Variants in MSH3 observed in about 807,000 individuals in gnomAD.
MSH3 encodes DNA mismatch repair protein Msh3.
A neutral mutation model predicts 123.3 loss-of-function variants in MSH3; 106 were observed. That is an observed-to-expected ratio of 0.86 (90% CI 0.73 to 1.01). MSH3 has a LOEUF of 1.01. Ranked by LOEUF, MSH3 falls within the 50% of genes least tolerant of loss-of-function variation. The probability of loss-of-function intolerance (pLI) is 0.00; values close to 1 mark genes in which losing one functional copy is unlikely to be tolerated. For synonymous variants in MSH3, 515 were observed against 481.4 expected (o/e 1.07, Z -0.91); for missense variants, 1,459 against 1,347.6 (o/e 1.08, Z -1.29).
intron 10 of MSH3, among the ~76,000 whole-genome samples, chr5:80,730,900 T>TC (rs1743398885): frequency 6.8e-6 from 1 of 146,254 alleles, no homozygotes; most frequent in Non-Finnish European, 1.5e-5. Context: ...ATATATTTTT[T>TC]TTTTTTTCTT....
intron 8 of MSH3, among the ~76,000 whole-genome samples, chr5:80,700,047 G>T (rs566325381): frequency 1.3e-5 from 2 of 151,962 alleles, no homozygotes; most frequent in Non-Finnish European, 2.9e-5. Context: ...TTTATTAGAC[G>T]GTAGTTTCAC....
chr5:80,704,523 TTTG>T (rs925412439), intron 8 of MSH3, among the ~76,000 whole-genome samples: 70 of 152,298 alleles, frequency 4.6e-4, no homozygotes, highest in African/African-American at 1.6e-3. Flanking sequence ...TTTTCCTGCT[TTTG>T]TTTTCAGAGG....
At chr5:80,771,830 C>T (rs1056746029) in intron 15 of MSH3, among the ~76,000 whole-genome samples, 4 of 152,152 alleles carry the variant, frequency 2.6e-5, no homozygotes, top group Non-Finnish European at 5.9e-5. Flanking sequence ...CTTTTATATA[C>T]TCATTAGAAT....
At chr5:80,824,902 G>A (rs954565621) in intron 20 of MSH3, among the ~76,000 whole-genome samples, 4 of 152,066 alleles carry the variant, frequency 2.6e-5, no homozygotes, top group African/African-American at 4.8e-5. Context: ...TGAGAGCTCC[G>A]TCTGGGACAG....
intron 8 of MSH3, among the ~76,000 whole-genome samples, chr5:80,687,418 T>C (rs1263730508): frequency 6.6e-6 from 1 of 152,206 alleles, no homozygotes; most frequent in Non-Finnish European, 1.5e-5. Flanking sequence ...GAAACTGACT[T>C]TTCAGGTGAA....
Position 80,854,134 on chromosome 5 carries a change from G to A in MSH3, c.2818G>A (p.Gly940Ser), listed in dbSNP as rs763614470. 1.9e-6 allele frequency: 3 copies of A among 1,612,804 alleles called. No homozygotes were observed. Among genetic ancestry groups the A allele is most frequent in the East Asian group, 2.2e-5 (1 of 44,816 alleles). Residue 940 changes from glycine (G) to serine (S), a missense_variant, in exon 21 of 24, where the codon GGT becomes AGT. Gly to Ser is a moderately conservative substitution (Grantham distance 56). Coordinates refer to ENST00000265081, the MANE Select transcript of MSH3 (RefSeq NM_002439.5). ...GIVDGIFTRM[G>S]AADNIYKGQS... ...GTGTTTTCATCTTGCTTGTAGGATG[G>A]GTGCTGCAGACAATATATATAAAGG...
chr5:80,747,748 T>TA (rs1355493008), intron 12 of MSH3, among the ~76,000 whole-genome samples: 1 of 152,116 alleles, frequency 6.6e-6, no homozygotes, highest in Non-Finnish European at 1.5e-5. Flanking sequence ...CACAAATACT[T>TA]ACCATTGTGT....
At chr5:80,805,609 T>G in intron 19 of MSH3, among the ~76,000 whole-genome samples, 1 of 141,312 alleles carries the variant, frequency 7.1e-6, no homozygotes, top group East Asian at 2.4e-4. Flanking sequence ...TTTTTTTTTT[T>G]TTTGAGATGG....
At position 80,741,459 on chromosome 5, in the gene MSH3, T is replaced by C. The variant is rs1743611889; in HGVS notation, c.1569-5T>C. The C allele has an allele frequency of 3.9e-6, 6 of 1,536,414 alleles. No homozygotes were observed. Among genetic ancestry groups the C allele is most frequent in the Non-Finnish European group, 4.5e-6 (5 of 1,109,054 alleles). ...CTAGGCTAATTATATTTGATTCTTT[T>C]ACAGGAATTTTAAACAGCTATCAAG... On this transcript the variant is annotated splice_region_variant and splice_polypyrimidine_tract_variant and intron_variant, in intron 10 of 23. Transcript: ENST00000265081.
At chr5:80,741,399 C>T (rs1000676675) in intron 10 of MSH3, 65 bp from the exon 11 acceptor site, 6 of 1,056,958 alleles carry the variant, frequency 5.7e-6, no homozygotes, top group Non-Finnish European at 8.9e-6. Flanking sequence ...TTTCTAGTTC[C>T]TGAATTAGTT....
At chr5:80,717,271 A>G (rs1750982092) in intron 8 of MSH3, among the ~76,000 whole-genome samples, 1 of 152,064 alleles carries the variant, frequency 6.6e-6, no homozygotes, top group Admixed American at 6.6e-5. Flanking sequence ...TTTATTATAA[A>G]AAATTCTTTT....
chr5:80,840,230 CTAAATA>C (rs1490317961), intron 20 of MSH3, among the ~76,000 whole-genome samples: 1 of 152,082 alleles, frequency 6.6e-6, no homozygotes, highest in African/African-American at 2.4e-5. Flanking sequence ...CTCTTTAGAG[CTAAATA>C]TATATGTATA....
chr5:80,752,373 T>C (rs1743853423), intron 12 of MSH3, among the ~76,000 whole-genome samples: 1 of 152,026 alleles, frequency 6.6e-6, no homozygotes, highest in Admixed American at 6.6e-5. Flanking sequence ...TCTCTAACTG[T>C]GCTTTATTTT....
intron 17 of MSH3, among the ~76,000 whole-genome samples, chr5:80,783,852 G>A: frequency 6.6e-6 from 1 of 152,260 alleles, no homozygotes; most frequent in Admixed American, 6.5e-5. Context: ...GACCGGATGG[G>A]TCAGTAATTA....
chr5:80,841,664 A>G (rs1561495724), intron 20 of MSH3, among the ~76,000 whole-genome samples: 1 of 152,222 alleles, frequency 6.6e-6, no homozygotes, highest in Non-Finnish European at 1.5e-5. Flanking sequence ...AGTGATGATG[A>G]GCATTTTTTC....
chr5:80,833,197 A>AT (rs887097724), intron 20 of MSH3, among the ~76,000 whole-genome samples: 142 of 150,300 alleles, frequency 9.4e-4, no homozygotes, highest in Middle Eastern at 3.4e-3. Context: ...TATCAGAGTG[A>AT]TTTTTTTTTT....
intron 20 of MSH3, among the ~76,000 whole-genome samples, chr5:80,847,587 C>T (rs34205517): frequency 0.1 from 15,781 of 152,060 alleles, 1,047 homozygotes; most frequent in East Asian, 0.24. Context: ...TCATCCCTTG[C>T]TTAATGATGA....
intron 17 of MSH3, among the ~76,000 whole-genome samples, chr5:80,782,971 GTC>G (rs1266967354): frequency 6.6e-6 from 1 of 152,120 alleles, no homozygotes; most frequent in African/African-American, 2.4e-5. Context: ...CTTGAAACAT[GTC>G]TCTCTTTTTT....
chr5:80,863,205 T>C (rs1746042800), intron 21 of MSH3, among the ~76,000 whole-genome samples: 1 of 151,956 alleles, frequency 6.6e-6, no homozygotes, highest in Non-Finnish European at 1.5e-5. Context: ...ACGAAAAGAG[T>C]CAAACTCTGT....
Sources: gnomAD v4.1 joint callset for allele counts (sites outside exome capture counted in the v4.1 genomes callset) on GRCh38, gnomAD v4.1.1 for gene constraint, MANE v1.5 for transcripts, NCBI Gene and HGNC (gene_info 2026-07-23, HGNC 2026-07-21) for gene names.